The following SLC9D1 variants were observed in gnomAD, a reference collection of about 807,000 sequenced individuals.
SLC9D1 encodes solute carrier family 9 member D1.
At chr13:113,549,470 G>T in the SLC9D1 span, 2 of 1,613,938 alleles carry the variant, frequency 1.2e-6, no homozygotes, top group Non-Finnish European at 1.7e-6. Context: ...CCTCTTGCTC[G>T]CCCCGGTGCT....
At chr13:113,534,171 CATGG>C in the SLC9D1 span, 4 of 1,613,868 alleles carry the variant, frequency 2.5e-6, no homozygotes, top group Admixed American at 1.7e-5. Flanking sequence ...GGAAGCTGCA[CATGG>C]AAAGCAAGGG....
chr13:113,525,393 G>T, the SLC9D1 span, among the ~76,000 whole-genome samples: 5 of 152,142 alleles, frequency 3.3e-5, no homozygotes, highest in African/African-American at 1.2e-4. Context: ...AATTAGGCAT[G>T]GTACGGAATA....
chr13:113,501,717 T>C, the SLC9D1 span: 21 of 1,581,468 alleles, frequency 1.3e-5, no homozygotes, highest in African/African-American at 2.0e-4. Context: ...CACTGTTATC[T>C]TATACTTCTG....
At chr13:113,508,455 G>A in the SLC9D1 span, among the ~76,000 whole-genome samples, 1 of 152,366 alleles carries the variant, frequency 6.6e-6, no homozygotes, top group African/African-American at 2.4e-5. Context: ...GGAAGAGGAA[G>A]GGTGTGAGAC....
chr13:113,495,269 A>G, the SLC9D1 span, among the ~76,000 whole-genome samples: 2 of 152,246 alleles, frequency 1.3e-5, no homozygotes, highest in Non-Finnish European at 2.9e-5. Flanking sequence ...TTCTATAAAG[A>G]TGTAGCTGAC....
At chr13:113,526,173 G>A in the SLC9D1 span, among the ~76,000 whole-genome samples, 4 of 152,156 alleles carry the variant, frequency 2.6e-5, no homozygotes, top group South Asian at 2.1e-4. Context: ...GACCCTGTGC[G>A]GGTTTAGGCT....
the SLC9D1 span, chr13:113,495,410 A>C: frequency 1.9e-6 from 1 of 515,736 alleles, no homozygotes. Context: ...TTTCTTCAGA[A>C]AGGTGTCAGT....
the SLC9D1 span, among the ~76,000 whole-genome samples, chr13:113,512,993 T>G: frequency 6.6e-6 from 1 of 152,054 alleles, no homozygotes; most frequent in African/African-American, 2.4e-5. Flanking sequence ...CCTGGTAGGT[T>G]TTCAGAACTC....
At chr13:113,502,369 A>G in the SLC9D1 span, among the ~76,000 whole-genome samples, 1 of 152,064 alleles carries the variant, frequency 6.6e-6, no homozygotes, top group South Asian at 2.1e-4. Context: ...GCACACCACC[A>G]CACCTGGCTA....
chr13:113,544,728 C>T, the SLC9D1 span, among the ~76,000 whole-genome samples: 41 of 152,342 alleles, frequency 2.7e-4, 1 homozygote, highest in African/African-American at 7.9e-4. Flanking sequence ...GTGGCTCAGC[C>T]GCCATGGCCT....
At chr13:113,509,823 T>C in the SLC9D1 span, among the ~76,000 whole-genome samples, 1 of 152,198 alleles carries the variant, frequency 6.6e-6, no homozygotes, top group Non-Finnish European at 1.5e-5. Context: ...CCCGAGGCAC[T>C]ATAGAGCCGC....
At chr13:113,526,622 G>A in the SLC9D1 span, among the ~76,000 whole-genome samples, 1 of 152,278 alleles carries the variant, frequency 6.6e-6, no homozygotes, top group South Asian at 2.1e-4. Context: ...TGGAGGCGAA[G>A]GCTGTAGGAT....
At chr13:113,548,315 G>A in the SLC9D1 span, 2 of 1,613,930 alleles carry the variant, frequency 1.2e-6, no homozygotes, top group Middle Eastern at 1.7e-4. Context: ...TCTCCTGGCG[G>A]CGCTGGTCCT....
the SLC9D1 span, chr13:113,539,298 TG>T: frequency 6.4e-7 from 1 of 1,561,896 alleles, no homozygotes; most frequent in Non-Finnish European, 8.7e-7. This position sits in a 1 kb window ranked among gnomAD's most constrained non-coding sequence, Gnocchi z 4.8. Context: ...GGCCTTGGGA[TG>T]GGGGTGACCC....
chr13:113,495,753 T>A, the SLC9D1 span: 1 of 1,614,088 alleles, frequency 6.2e-7, no homozygotes, highest in Admixed American at 1.7e-5. Flanking sequence ...CAGGAAGCTC[T>A]CAGGGCTTCT....
At chr13:113,532,957 A>G in the SLC9D1 span, among the ~76,000 whole-genome samples, 1 of 49,400 alleles carries the variant, frequency 2.0e-5, no homozygotes, top group African/African-American at 9.7e-5. Flanking sequence ...CTGAAGTCGC[A>G]GACGTGGGCC....
the SLC9D1 span, among the ~76,000 whole-genome samples, chr13:113,521,105 G>A: frequency 1.3e-5 from 2 of 152,036 alleles, no homozygotes; most frequent in Non-Finnish European, 2.9e-5. Context: ...ATGTGTGCAC[G>A]GGGAGGGAGT....
the SLC9D1 span, chr13:113,500,101 C>A: frequency 1.3e-6 from 2 of 1,583,314 alleles, no homozygotes; most frequent in Non-Finnish European, 1.7e-6. Context: ...ATATTTTGAC[C>A]AAGCCCAGAG....
At chr13:113,495,898 G>A in the SLC9D1 span, 1 of 1,614,214 alleles carries the variant, frequency 6.2e-7, no homozygotes, top group South Asian at 1.1e-5. Flanking sequence ...CTGAATGAAA[G>A]TGAAAATTCC....
Sources: allele counts gnomAD v4.1 joint callset (sites outside exome capture counted in the v4.1 genomes callset), GRCh38; gene constraint gnomAD v4.1.1; non-coding constraint Gnocchi (gnomAD v3.1); transcripts MANE v1.5; gene names NCBI Gene and HGNC (gene_info 2026-07-23, HGNC 2026-07-21).